The following ZRSR2 variants were observed in gnomAD, a reference collection of about 807,000 sequenced individuals.
The protein encoded by ZRSR2 is zinc finger CCCH-type, RNA binding motif and serine/arginine rich 2, also known as U2 small nuclear ribonucleoprotein auxiliary factor 35 kDa subunit-related protein 2.
In ZRSR2, 3 loss-of-function variants were observed where a neutral mutation model predicts 39.4. That is an observed-to-expected ratio of 0.08 (90% CI 0.03 to 0.20). The LOEUF is 0.20. Among genes scored for constraint, ZRSR2 ranks in the 10% least tolerant of loss-of-function variants. The pLI is 1.00. For missense variants in ZRSR2, 256 were observed against 391.5 expected (o/e 0.65, Z 2.92); for synonymous variants, 137 against 136.0 (o/e 1.01, Z -0.05).
At chrX:15,814,042 T>A (rs1569071377) in intron 7 of ZRSR2, among the ~76,000 whole-genome samples, 1 of 104,653 alleles carries the variant, frequency 9.6e-6, no homozygotes. Context: ...TTCTTCAACT[T>A]TCTTTCTTCC....
rs1170630036 is a variant in ZRSR2 at position 15,791,024 on chromosome X, CTT to C, written c.121+13_121+14del. On this transcript the variant is annotated intron_variant, in intron 2 of 10. Transcript: ENST00000307771. The stretch of plus-strand genomic sequence containing the variant: ...GACTGAGAGACTCAGGTGATGGACT[CTT>C]TATTCTGTTTTCTGTGTTGTGAAAT... 8.4e-7 allele frequency: 1 copy of C among 1,194,909 alleles called. No homozygotes were observed. Among genetic ancestry groups the C allele is most frequent in the African/African-American group, 1.8e-5 (1 of 56,859 alleles).
chrX:15,815,854 C>T lies in ZRSR2; in HGVS notation c.735C>T (p.Pro245=), dbSNP rs753833688. 5.6e-5 allele frequency: 67 copies of T among 1,206,665 alleles called. No homozygotes were observed. In the South Asian group the frequency reaches 1.0e-3, roughly 19 times the overall value. The change falls in exon 8 of 11, where the codon CCC becomes CCT. Residue 245 remains proline (P), a synonymous_variant. Transcript: ENST00000307771. ...QFLDFYEDVL[P]EFKNVGKVIQ... is the part of the protein sequence containing the mutation. ...TAGACTTCTATGAGGATGTGTTGCC[C>T]GAGTTCAAGAACGTGGGGAAAGTGA... is the stretch of plus-strand genomic sequence containing the variant.
intron 7 of ZRSR2, among the ~76,000 whole-genome samples, chrX:15,813,863 C>T (rs1932920579): frequency 9.0e-6 from 1 of 110,978 alleles, no homozygotes; most frequent in Non-Finnish European, 1.9e-5. Context: ...GAAAATTTCA[C>T]GTTAATGAAC....
At chrX:15,810,820 C>A (rs1026375096) in intron 7 of ZRSR2, among the ~76,000 whole-genome samples, 1 of 104,804 alleles carries the variant, frequency 9.5e-6, no homozygotes. Flanking sequence ...AGTTTGAGAC[C>A]AGCCTGGGCA....
intron 7 of ZRSR2, among the ~76,000 whole-genome samples, chrX:15,809,856 T>C (rs1932853358): frequency 9.0e-6 from 1 of 111,523 alleles, no homozygotes; most frequent in African/African-American, 3.3e-5. Context: ...AAGGGATATC[T>C]GTGAAAGACA....
At chrX:15,819,221 C>T (rs1933043930) in intron 9 of ZRSR2, among the ~76,000 whole-genome samples, 1 of 110,054 alleles carries the variant, frequency 9.1e-6, no homozygotes, top group African/African-American at 3.3e-5. Context: ...CCTGTCATCC[C>T]AACACTTTTG....
intron 5 of ZRSR2, among the ~76,000 whole-genome samples, chrX:15,807,165 T>C (rs1932799145): frequency 8.9e-6 from 1 of 112,477 alleles, no homozygotes; most frequent in Admixed American, 9.4e-5. Flanking sequence ...CAGAACCTCC[T>C]TTGCCTTATT....
At chrX:15,816,247 C>T (rs767523938) in intron 8 of ZRSR2, among the ~76,000 whole-genome samples, 1 of 111,721 alleles carries the variant, frequency 9.0e-6, no homozygotes, top group South Asian at 3.7e-4. Context: ...ATGTGACAAA[C>T]GGTGCATTCC....
intron 5 of ZRSR2, 93 bp downstream of exon 5, chrX:15,804,290 TC>T (rs1932758068): frequency 9.2e-7 from 1 of 1,083,583 alleles, no homozygotes; most frequent in African/African-American, 1.9e-5. Context: ...CTTTTTCTTG[TC>T]ATTTCATTGT....
chrX:15,797,281 A>G (rs1932508733), intron 2 of ZRSR2, among the ~76,000 whole-genome samples: 2 of 92,464 alleles, frequency 2.2e-5, no homozygotes, highest in African/African-American at 4.2e-5. Flanking sequence ...CGCGATCTTG[A>G]CTCACTGCAA....
intron 3 of ZRSR2, among the ~76,000 whole-genome samples, chrX:15,800,272 C>T (rs1373567927): frequency 9.6e-6 from 1 of 104,456 alleles, no homozygotes; most frequent in African/African-American, 3.5e-5. Flanking sequence ...CTGCAATCTC[C>T]GCCTCCCGGG....
rs1425474027 is a variant in ZRSR2, at chrX:15,811,661, TGTGATCCACGTGCCTCGGCCTCCCAAA to T, written c.557+2347_557+2373del. On this transcript the variant is annotated intron_variant, in intron 7 of 10. Transcript: ENST00000307771. The stretch of plus-strand genomic sequence containing the variant: ...CAGGATGGTCTCGATCTCTTGACAT[TGTGATCCACGTGCCTCGGCCTCCCAAA>T]GTGCTGGGATTACAGGCATGAGCCA... Among the ~76,000 whole-genome samples, 3 of 112,113 alleles carry T rather than the reference TGTGATCCACGTGCCTCGGCCTCCCAAA, an allele frequency of 2.7e-5. No homozygotes were observed. The Admixed American group carries it at 2.8e-4, about 11-fold the overall frequency.
At chrX:15,790,626 A>G (rs1011039388) in intron 1 of ZRSR2, 90 bp downstream of exon 1, 18 of 1,078,317 alleles carry the variant, frequency 1.7e-5, no homozygotes, top group Middle Eastern at 5.0e-4. Context: ...AGCTGGGCCA[A>G]GCTAAGTGAG....
rs1180663645 is a variant in ZRSR2 at position 15,798,703 on chromosome X, C to G, written c.122-1169C>G. On this transcript the variant is annotated intron_variant, in intron 2 of 10. Coordinates refer to ENST00000307771, the MANE Select transcript of ZRSR2 (RefSeq NM_005089.4). The stretch of plus-strand genomic sequence containing the variant: ...AACCAGGATTGATTGTTTTGAAAAA[C>G]TCAAGCCAGTTATCTTGTGGAATGC... Among the ~76,000 whole-genome samples the G allele has an allele frequency of 4.5e-5, 5 of 112,079 alleles. No individual in the cohort carries two copies. The Admixed American group carries it at 4.8e-4, about 11-fold the overall frequency.
At chrX:15,821,249 C>A (rs1933099317) in intron 10 of ZRSR2, among the ~76,000 whole-genome samples, 1 of 110,338 alleles carries the variant, frequency 9.1e-6, no homozygotes, top group Non-Finnish European at 1.9e-5. Context: ...TTACTTTTGT[C>A]AGTTCCTGGG....
At chrX:15,816,990 G>C (rs1932990454) in intron 8 of ZRSR2, among the ~76,000 whole-genome samples, 1 of 111,725 alleles carries the variant, frequency 9.0e-6, no homozygotes, top group Non-Finnish European at 1.9e-5. Flanking sequence ...ACAATACCAT[G>C]TTAGAAGCAC....
chrX:15,800,256 A>G (rs1932627975), intron 3 of ZRSR2, among the ~76,000 whole-genome samples: 2 of 96,792 alleles, frequency 2.1e-5, no homozygotes, highest in South Asian at 9.5e-4. Flanking sequence ...GCATGATCTC[A>G]GCTCACTGCA....
In ZRSR2 at chrX:15,804,176, A is replaced by G; in HGVS notation, c.378A>G (p.Arg126=). The G allele has an allele frequency of 1.7e-6, 2 of 1,199,985 alleles. No individual in the cohort carries two copies. The highest frequency in any genetic ancestry group is 2.2e-6 in the Non-Finnish European group (2 of 891,193). ...RKEREEEEQK[R]QEKKEKEEAL... ...AGAGAGAAGAGGAGGAGCAGAAACG[A>G]CAGGAGAAGAAAGAAAAAGAGGTGA... The change falls in exon 5 of 11, where the codon CGA becomes CGG. Residue 126 remains arginine, a synonymous_variant. Transcript: ENST00000307771.
At position 15,823,147 on chromosome X, in the gene ZRSR2, C is replaced by T. The variant is rs201745479; in HGVS notation, c.1354C>T (p.Arg452Cys). The T allele has an allele frequency of 5.9e-4, 715 of 1,203,778 alleles. No homozygotes were observed. The highest frequency in any genetic ancestry group is 7.7e-4 in the Non-Finnish European group (689 of 892,476). ...CCGGAGCCGGAGCCGCAGGAGCCGC[C>T]GCAGCCGGAGCCAAAGTTCCTCTAG... The part of the protein sequence containing the change: ...RSRSRSRRSR[R>C]SRSQSSSRSR... The change falls in exon 11 of 11, where the codon CGC becomes TGC. Residue 452 changes from arginine (R) to cysteine (C), a missense_variant. By Grantham distance (180) the Arg-to-Cys change is radical (BLOSUM62 -3). This residue lies in a region of ZRSR2 where 111 missense variants were observed against 116.7 expected (regional missense o/e 0.95). Coordinates refer to ENST00000307771, the MANE Select transcript of ZRSR2 (RefSeq NM_005089.4).
Sources: gnomAD v4.1 joint callset for allele counts (sites outside exome capture counted in the v4.1 genomes callset) on GRCh38, gnomAD v4.1.1 for gene constraint, gnomAD v4.1.1 regional missense constraint, MANE v1.5 for transcripts, NCBI Gene and HGNC (gene_info 2026-07-23, HGNC 2026-07-21) for gene names.